IGFL2: variants seen among roughly 807,000 people sequenced by gnomAD.
IGFL2 encodes IGF like family member 2, also known as insulin growth factor-like family member 2.
In IGFL2, 7 loss-of-function variants were observed where a neutral mutation model predicts 13.9. That is an observed-to-expected ratio of 0.51 (90% CI 0.29 to 0.95). The LOEUF (loss-of-function observed/expected upper bound fraction) is 0.95, where lower values mean the gene tolerates loss of function less well. IGFL2 is among the 40% of genes least tolerant of loss of function. The pLI, the probability that IGFL2 is intolerant of heterozygous loss-of-function variation, is 0.08. For missense variants in IGFL2, 138 were observed against 147.8 expected (o/e 0.93, Z 0.34); for synonymous variants, 55 against 55.8 (o/e 0.99, Z 0.07).
chr19:46,113,017 G>A, the IGFL2 span: 1 of 152,218 alleles, frequency 6.6e-6, no homozygotes, highest in African/African-American at 2.4e-5. Context: ...AATAAATTGA[G>A]AGAGAATTTC....
At chr19:46,191,454 A>T in the IGFL2 span, among the ~76,000 whole-genome samples, 1 of 152,288 alleles carries the variant, frequency 6.6e-6, no homozygotes, top group East Asian at 1.9e-4. Flanking sequence ...AGGATGAAGG[A>T]AGGTGGACAG....
chr19:46,149,985 C>G (rs955529791), intron 1 of IGFL2, among the ~76,000 whole-genome samples: 1 of 152,174 alleles, frequency 6.6e-6, no homozygotes, highest in Non-Finnish European at 1.5e-5. Context: ...CAATTACATT[C>G]CCACCAGCAG....
upstream of IGFL2, among the ~76,000 whole-genome samples, chr19:46,147,396 C>T (rs1161352680): frequency 2.0e-5 from 3 of 152,150 alleles, no homozygotes; most frequent in African/African-American, 7.2e-5. Context: ...AGAGTTTAGT[C>T]TAGAATGAAA....
chr19:46,099,761 C>T, the IGFL2 span, among the ~76,000 whole-genome samples: 4 of 152,068 alleles, frequency 2.6e-5, no homozygotes, highest in African/African-American at 4.8e-5. Flanking sequence ...CTCCTGACCT[C>T]GTGATCCACC....
the IGFL2 span, among the ~76,000 whole-genome samples, chr19:46,107,130 G>C: frequency 6.6e-6 from 1 of 152,148 alleles, no homozygotes; most frequent in Admixed American, 6.5e-5. Context: ...CTCGCAGCCT[G>C]GCCGTCAATA....
chr19:46,088,069 C>G, the IGFL2 span, among the ~76,000 whole-genome samples: 1 of 152,210 alleles, frequency 6.6e-6, no homozygotes, highest in Admixed American at 6.5e-5. Flanking sequence ...ATGTGGACCA[C>G]TGGGGGTCTC....
At chr19:46,184,151 T>C in the IGFL2 span, among the ~76,000 whole-genome samples, 1 of 152,238 alleles carries the variant, frequency 6.6e-6, no homozygotes, top group East Asian at 1.9e-4. Context: ...ATTCAACACA[T>C]GTATAATTTT....
chr19:46,187,759 GC>G, the IGFL2 span, among the ~76,000 whole-genome samples: 425 of 149,858 alleles, frequency 2.8e-3, no homozygotes, highest in Non-Finnish European at 3.7e-3. Flanking sequence ...TGCTGCTGGT[GC>G]TACCTGATCA....
At chr19:46,127,490 A>G in the IGFL2 span, among the ~76,000 whole-genome samples, 1 of 152,244 alleles carries the variant, frequency 6.6e-6, no homozygotes, top group Non-Finnish European at 1.5e-5. Flanking sequence ...GGAAGAAATA[A>G]CTTTCTGTCT....
At chr19:46,198,282 A>T in the IGFL2 span, 1 of 151,346 alleles carries the variant, frequency 6.6e-6, no homozygotes, top group Non-Finnish European at 1.5e-5. Flanking sequence ...GCAATTAAAA[A>T]AATTTTTTTT....
At chr19:46,154,874 A>T (rs763476027) in intron 1 of IGFL2, among the ~76,000 whole-genome samples, 33 of 152,138 alleles carry the variant, frequency 2.2e-4, no homozygotes, top group Non-Finnish European at 4.0e-4. Context: ...TCTTTTCAAG[A>T]AAAGCCAGTT....
chr19:46,181,232 C>G, the IGFL2 span: 1 of 151,778 alleles, frequency 6.6e-6, no homozygotes, highest in Non-Finnish European at 1.5e-5. Flanking sequence ...TTTCTTATTC[C>G]AGCACAGAGA....
the IGFL2 span, among the ~76,000 whole-genome samples, chr19:46,180,810 T>C: frequency 7.6e-3 from 1,161 of 152,280 alleles, 17 homozygotes; most frequent in African/African-American, 0.025. Flanking sequence ...CCTGAAGTCT[T>C]GATGTTCAAG....
At chr19:46,113,513 A>G in the IGFL2 span, 5 of 347,936 alleles carry the variant, frequency 1.4e-5, no homozygotes, top group Non-Finnish European at 1.2e-5. Flanking sequence ...TCCAAGATTT[A>G]TCTTTAACCT....
the IGFL2 span, among the ~76,000 whole-genome samples, chr19:46,182,426 T>G: frequency 3.3e-5 from 5 of 152,046 alleles, 2 homozygotes; most frequent in Admixed American, 3.3e-4. Context: ...TCTCACAATT[T>G]GCTTGTGTTT....
At chr19:46,187,353 C>T in the IGFL2 span, among the ~76,000 whole-genome samples, 289 of 148,388 alleles carry the variant, frequency 1.9e-3, 2 homozygotes, top group African/African-American at 6.7e-3. Flanking sequence ...AGCATTAACC[C>T]GTTTAAACCT....
chr19:46,109,200 G>A, the IGFL2 span, among the ~76,000 whole-genome samples: 1 of 152,186 alleles, frequency 6.6e-6, no homozygotes, highest in Non-Finnish European at 1.5e-5. Flanking sequence ...AAAGGGTGGT[G>A]GGATTATCAT....
chr19:46,170,368 T>A, the IGFL2 span, among the ~76,000 whole-genome samples: 2 of 152,220 alleles, frequency 1.3e-5, no homozygotes, highest in Admixed American at 6.5e-5. Flanking sequence ...TATGCCTATC[T>A]TTAATCTCTT....
the IGFL2 span, among the ~76,000 whole-genome samples, chr19:46,119,390 C>A: frequency 6.6e-6 from 1 of 152,184 alleles, no homozygotes; most frequent in Admixed American, 6.5e-5. Flanking sequence ...GTCTGAGAAC[C>A]TGCCCACACA....
Sources: allele counts gnomAD v4.1 joint callset (sites outside exome capture counted in the v4.1 genomes callset), GRCh38; gene constraint gnomAD v4.1.1; transcripts MANE v1.5; gene names NCBI Gene and HGNC (gene_info 2026-07-23, HGNC 2026-07-21).